Variants in HHAT observed in about 807,000 individuals in gnomAD.
HHAT encodes protein-cysteine N-palmitoyltransferase HHAT.
Under a neutral mutation model 70.8 loss-of-function variants are expected in HHAT, and 47 were observed. The ratio of observed to expected loss-of-function variants is 0.66; its 90% CI spans 0.53 to 0.85. The LOEUF (loss-of-function observed/expected upper bound fraction) is 0.85, where lower values mean the gene tolerates loss of function less well. HHAT is among the 40% of genes least tolerant of loss of function. The pLI is 0.00. For missense variants in HHAT, 609 were observed against 604.8 expected (o/e 1.01, Z -0.07); for synonymous variants, 228 against 247.6 (o/e 0.92, Z 0.74).
At chr1:210,588,194 T>C in intron 10 of HHAT, 95 bp downstream of exon 10, 1 of 1,067,874 alleles carries the variant, frequency 9.4e-7, no homozygotes, top group South Asian at 1.6e-5. Context: ...GCCCCCACTA[T>C]GGGCCCTTTC....
At chr1:210,545,093 C>A (rs976491109) in intron 9 of HHAT, among the ~76,000 whole-genome samples, 23 of 151,730 alleles carry the variant, frequency 1.5e-4, no homozygotes, top group Admixed American at 1.1e-3. Flanking sequence ...AAAAAAAAAA[C>A]CACACAATTC....
At chr1:210,391,861 C>A (rs1201130205) in intron 4 of HHAT, among the ~76,000 whole-genome samples, 2 of 151,948 alleles carry the variant, frequency 1.3e-5, no homozygotes, top group South Asian at 2.1e-4. Flanking sequence ...GCCACCAGTG[C>A]TATGTGATTT....
chr1:210,561,362 G>A (rs1421945438), intron 9 of HHAT, among the ~76,000 whole-genome samples: 1 of 152,248 alleles, frequency 6.6e-6, no homozygotes, highest in Non-Finnish European at 1.5e-5. Flanking sequence ...AAGTCTAAAT[G>A]TATAAATAGG....
chr1:210,612,986 A>G (rs1053006405), intron 10 of HHAT, among the ~76,000 whole-genome samples: 1 of 152,108 alleles, frequency 6.6e-6, no homozygotes, highest in Non-Finnish European at 1.5e-5. Flanking sequence ...TTGTTGTGTT[A>G]TAGGAGTTCT....
At chr1:210,368,233 A>G (rs2089202697) in intron 3 of HHAT, among the ~76,000 whole-genome samples, 1 of 152,184 alleles carries the variant, frequency 6.6e-6, no homozygotes, top group Non-Finnish European at 1.5e-5. Context: ...TGGAAAGAGC[A>G]CAGGTTTGGA....
intron 11 of HHAT, among the ~76,000 whole-genome samples, chr1:210,625,679 T>C (rs1446100958): frequency 1.3e-5 from 2 of 152,242 alleles, no homozygotes; most frequent in African/African-American, 4.8e-5. Context: ...GGCTGCTTTG[T>C]GTGAAACTCC....
Position 210,519,914 on chromosome 1 carries a change from G to A in HHAT, c.1043+6726G>A, listed in dbSNP as rs116341806. Among the ~76,000 whole-genome samples, 752 of 150,084 alleles carry A rather than the reference G, an allele frequency of 5.0e-3. 4 individuals are homozygous for A. The highest frequency in any genetic ancestry group is 9.0e-3 in the Non-Finnish European group (607 of 67,726). On this transcript the variant is annotated intron_variant, in intron 9 of 11. Transcript: ENST00000261458. ...TTGTGGTTTTGATTTGCATTTCCAT[G>A]ATGATGGGTGATGTTGAGTATCTTT...
At chr1:210,451,286 T>C (rs746987019) in intron 7 of HHAT, among the ~76,000 whole-genome samples, 92 of 152,134 alleles carry the variant, frequency 6.0e-4, no homozygotes, top group Middle Eastern at 3.2e-3. Context: ...ATGATAGCAG[T>C]CTTTAGCTAA....
intron 11 of HHAT, among the ~76,000 whole-genome samples, chr1:210,639,759 G>A (rs776768370): frequency 5.9e-5 from 9 of 152,170 alleles, no homozygotes; most frequent in Non-Finnish European, 1.2e-4. Context: ...TAATGAGACC[G>A]TTCCCCTTTG....
At chr1:210,527,017 G>C (rs1469669198) in intron 9 of HHAT, among the ~76,000 whole-genome samples, 3 of 152,100 alleles carry the variant, frequency 2.0e-5, no homozygotes, top group Non-Finnish European at 2.9e-5. Context: ...GGAATTTCCT[G>C]AGTGATCAGA....
At chr1:210,508,662 T>C (rs2094903895) in intron 8 of HHAT, among the ~76,000 whole-genome samples, 2 of 152,240 alleles carry the variant, frequency 1.3e-5, no homozygotes, top group Admixed American at 6.5e-5. Context: ...CACTTCATTC[T>C]TCCAGCCAGT....
At chr1:210,558,133 T>C (rs1253698393) in intron 9 of HHAT, among the ~76,000 whole-genome samples, 1 of 152,198 alleles carries the variant, frequency 6.6e-6, no homozygotes, top group African/African-American at 2.4e-5. Context: ...GCAGAGAGTT[T>C]TTCGTTACTC....
intron 6 of HHAT, among the ~76,000 whole-genome samples, chr1:210,410,058 T>TA (rs540053519): frequency 1.6e-4 from 13 of 81,598 alleles, no homozygotes; most frequent in Non-Finnish European, 2.5e-5. Context: ...AAATTTTGGA[T>TA]TTTTTTTTTT....
chr1:210,357,560 G>T lies in HHAT; in HGVS notation c.92-5292G>T, dbSNP rs532634488. ...AATTTGGCTGGGTACGGTGGCTCAC[G>T]CCTATAATCCCAGCACTTTGGGAGG... On this transcript the variant is annotated intron_variant, in intron 2 of 11. Coordinates refer to ENST00000261458, the MANE Select transcript of HHAT (RefSeq NM_018194.6). Among the ~76,000 whole-genome samples, 396 of 152,282 alleles carry T rather than the reference G, an allele frequency of 2.6e-3. 1 individual carries two copies. The highest frequency in any genetic ancestry group is 4.7e-3 in the Non-Finnish European group (322 of 68,014).
At chr1:210,383,125 AG>A (rs1205985998) in intron 3 of HHAT, among the ~76,000 whole-genome samples, 1 of 152,194 alleles carries the variant, frequency 6.6e-6, no homozygotes, top group Non-Finnish European at 1.5e-5. Context: ...GGATCTCTTG[AG>A]GTCAGGAGTT....
At chr1:210,563,614 A>G (rs1192254682) in intron 9 of HHAT, among the ~76,000 whole-genome samples, 1 of 152,206 alleles carries the variant, frequency 6.6e-6, no homozygotes, top group Non-Finnish European at 1.5e-5. Flanking sequence ...TTATCTATTC[A>G]GTGGTGCTCT....
At chr1:210,589,851 T>G (rs1342770258) in intron 10 of HHAT, 1 of 152,250 alleles carries the variant, frequency 6.6e-6, no homozygotes, top group Admixed American at 6.5e-5. Context: ...TCACCTCACT[T>G]GACCTTCCAT....
intron 1 of HHAT, among the ~76,000 whole-genome samples, chr1:210,329,835 C>T (rs571177705): frequency 1.2e-3 from 178 of 152,356 alleles, no homozygotes; most frequent in Non-Finnish European, 1.9e-3. Context: ...GCAACCTCAG[C>T]ATCCCGGTTT....
chr1:210,557,182 A>G (rs544561072), intron 9 of HHAT, among the ~76,000 whole-genome samples: 1 of 152,378 alleles, frequency 6.6e-6, no homozygotes, highest in East Asian at 1.9e-4. Flanking sequence ...AATGAAATGC[A>G]TTAAGGTATG....
Sources: gnomAD v4.1 joint callset for allele counts (sites outside exome capture counted in the v4.1 genomes callset) on GRCh38, gnomAD v4.1.1 for gene constraint, MANE v1.5 for transcripts, NCBI Gene and HGNC (gene_info 2026-07-23, HGNC 2026-07-21) for gene names.